Variants in KIRREL3 observed in about 807,000 individuals in gnomAD.
The protein encoded by KIRREL3 is kin of IRRE-like protein 3.
KIRREL3 carries 36 observed loss-of-function variants against 89.7 expected under a neutral mutation model. The observed-to-expected ratio is 0.40, with a 90% CI of 0.31 to 0.53. The LOEUF is 0.53. KIRREL3 is among the 20% of genes least tolerant of loss of function. The probability of loss-of-function intolerance (pLI) is 0.49; values close to 1 mark genes in which losing one functional copy is unlikely to be tolerated. For synonymous variants in KIRREL3, 445 were observed against 441.4 expected, an observed-to-expected ratio of 1.01 and a Z score of -0.10; for missense variants, 864 against 1,056.6, an observed-to-expected ratio of 0.82 and a Z score of 2.53.
chr11:126,425,508 G>A, intron 16 of KIRREL3, 130 bp downstream of exon 16: 2 of 799,014 alleles, frequency 2.5e-6, no homozygotes, highest in Non-Finnish European at 4.1e-6. Context: ...ACGGGCACCT[G>A]CCACCAAGCT....
rs1958513136 is a variant in KIRREL3 at position 126,519,188 on chromosome 11, G to A, written c.433+2127C>T. 3.3e-5 allele frequency among the ~76,000 whole-genome samples: 5 copies of A among 152,320 alleles called. No individual in the cohort carries two copies. Among genetic ancestry groups the A allele is most frequent in the South Asian group, 4.1e-4 (2 of 4,822 alleles). ...ATGCCACCGGAGAGGAAGGGGGAGC[G>A]AATGCCTTTTAGACATGACCTAAGA... On this transcript the variant is annotated intron_variant, in intron 4 of 16. Transcript: ENST00000525144. The surrounding 1 kb of genome is among the most constrained non-coding windows in gnomAD (Gnocchi z 4.3).
chr11:126,683,359 C>A lies in KIRREL3; in HGVS notation c.56-120447G>T, dbSNP rs374067070. 6.6e-6 allele frequency among the ~76,000 whole-genome samples: 1 copy of A among 152,088 alleles called. No individual in the cohort carries two copies. Among genetic ancestry groups the A allele is most frequent in the Admixed American group, 6.6e-5 (1 of 15,262 alleles). On this transcript the variant is annotated intron_variant, in intron 1 of 16. Coordinates refer to ENST00000525144, the MANE Select transcript of KIRREL3 (RefSeq NM_032531.4). The surrounding 1 kb of genome is among the most constrained non-coding windows in gnomAD (Gnocchi z 5.2). ...CTGATGGTTTGCAAGTAAGTGGGAT[C>A]GACCGTGGGGTCTCTGGACAGCTCC...
chr11:126,502,397 C>G (rs1385346220), intron 4 of KIRREL3, among the ~76,000 whole-genome samples: 1 of 152,186 alleles, frequency 6.6e-6, no homozygotes, highest in Admixed American at 6.5e-5. Flanking sequence ...GCTCCTCCTG[C>G]CCAGGCACAG....
At position 126,476,855 on chromosome 11, in the gene KIRREL3, A is replaced by G. The variant is rs1180855549; in HGVS notation, c.434-3389T>C. 1.3e-5 allele frequency among the ~76,000 whole-genome samples: 2 copies of G among 152,156 alleles called. No homozygotes were observed. Among genetic ancestry groups the G allele is most frequent in the Non-Finnish European group, 2.9e-5 (2 of 68,034 alleles). On this transcript the variant is annotated intron_variant, in intron 4 of 16. Transcript: ENST00000525144. This position sits in a 1 kb window ranked among gnomAD's most constrained non-coding sequence, Gnocchi z 6.4. The stretch of plus-strand genomic sequence containing the variant: ...GTTTCAGAGTGGTCCCCGCTTGGAG[A>G]TGTATTATTCATCACCCCCTCGCAG...
At chr11:126,888,227 A>G (rs1318341556) in intron 1 of KIRREL3, among the ~76,000 whole-genome samples, 1 of 152,212 alleles carries the variant, frequency 6.6e-6, no homozygotes, top group Non-Finnish European at 1.5e-5. Flanking sequence ...AGTTTGGGAC[A>G]CTAGACAGCA....
Position 126,724,680 on chromosome 11 carries a change from C to T in KIRREL3, c.56-161768G>A, listed in dbSNP as rs947655233. ...TTCCTTCTTGAAACTTCCCTCTCCC[C>T]GTTTGAATTCCAATGAGGCATCTTT... On this transcript the variant is annotated intron_variant, in intron 1 of 16. Coordinates refer to ENST00000525144, the MANE Select transcript of KIRREL3 (RefSeq NM_032531.4). The surrounding 1 kb of genome is among the most constrained non-coding windows in gnomAD (Gnocchi z 4.3). Among the ~76,000 whole-genome samples the T allele has an allele frequency of 1.3e-5, 2 of 152,190 alleles. No homozygotes were observed. The highest frequency in any genetic ancestry group is 4.8e-5 in the African/African-American group (2 of 41,454).
rs1435194224 is a variant in KIRREL3, at chr11:126,705,553, C to T, written c.56-142641G>A. ...TGAGAAGATACTGGAACCGTGCTTC[C>T]TGTACAGCCTGCAGAACTGTGAGCC... is the stretch of plus-strand genomic sequence containing the variant. On this transcript the variant is annotated intron_variant, in intron 1 of 16. Transcript: ENST00000525144. This position sits in a 1 kb window ranked among gnomAD's most constrained non-coding sequence, Gnocchi z 4.3. Among the ~76,000 whole-genome samples the T allele has an allele frequency of 6.6e-6, 1 of 152,188 alleles. No individual in the cohort carries two copies. The highest frequency in any genetic ancestry group is 2.4e-5 in the African/African-American group (1 of 41,450).
At chr11:126,998,729 A>T (rs577509168) in intron 1 of KIRREL3, among the ~76,000 whole-genome samples, 1 of 152,336 alleles carries the variant, frequency 6.6e-6, no homozygotes, top group South Asian at 2.1e-4. Flanking sequence ...TAGCCTTCTT[A>T]TGCCAATCTA....
chr11:126,919,804 A>G (rs181577992), intron 1 of KIRREL3, among the ~76,000 whole-genome samples: 1 of 152,330 alleles, frequency 6.6e-6, no homozygotes, highest in Non-Finnish European at 1.5e-5. Flanking sequence ...AGAGTTCCAA[A>G]GAGGACAGAC....
At chr11:126,518,399 C>T (rs1024568575) in intron 4 of KIRREL3, among the ~76,000 whole-genome samples, 11 of 152,208 alleles carry the variant, frequency 7.2e-5, no homozygotes, top group Admixed American at 2.6e-4. Flanking sequence ...CGATGGAAGA[C>T]CCCCGGGGGC....
chr11:126,450,499 ATG>A (rs1956016881), intron 7 of KIRREL3, among the ~76,000 whole-genome samples: 1 of 85,740 alleles, frequency 1.2e-5, no homozygotes, highest in South Asian at 3.5e-4. Flanking sequence ...GAGTGTGTGC[ATG>A]TGTGCATGTG....
In KIRREL3 at chr11:126,683,571, A is replaced by G. The variant is rs1242958196; in HGVS notation, c.56-120659T>C. Among the ~76,000 whole-genome samples, 1 of 152,222 alleles carries G rather than the reference A, an allele frequency of 6.6e-6. No individual in the cohort carries two copies. The highest frequency in any genetic ancestry group is 1.5e-5 in the Non-Finnish European group (1 of 68,038). ...GCACCCATCTTGGAGGAGATTTGGC[A>G]CGTGATGCTCAGCACATTGCCTGAC... On this transcript the variant is annotated intron_variant, in intron 1 of 16. Transcript: ENST00000525144. This position sits in a 1 kb window ranked among gnomAD's most constrained non-coding sequence, Gnocchi z 5.2.
intron 1 of KIRREL3, among the ~76,000 whole-genome samples, chr11:126,698,964 C>T (rs1422328981): frequency 6.6e-6 from 1 of 152,246 alleles, no homozygotes; most frequent in Non-Finnish European, 1.5e-5. Flanking sequence ...GAGCTGCCTG[C>T]AGGTTCTTCA....
intron 2 of KIRREL3, among the ~76,000 whole-genome samples, chr11:126,533,606 T>C (rs559163162): frequency 6.6e-6 from 1 of 152,106 alleles, no homozygotes; most frequent in African/African-American, 2.4e-5. Context: ...CCCTTGACCC[T>C]CACAACCACA....
rs1246549802 is a variant in KIRREL3 at position 126,917,513 on chromosome 11, C to T, written c.55+82942G>A. On this transcript the variant is annotated intron_variant, in intron 1 of 16. Coordinates refer to ENST00000525144, the MANE Select transcript of KIRREL3 (RefSeq NM_032531.4). This position sits in a 1 kb window ranked among gnomAD's most constrained non-coding sequence, Gnocchi z 5.0. ...TTAAAAAAAAACAAGGAAAAACCTG[C>T]AAACAACAAAAATCTTTCCAAACCA... Among the ~76,000 whole-genome samples the T allele has an allele frequency of 2.6e-5, 4 of 151,776 alleles. No individual in the cohort carries two copies. Among genetic ancestry groups the T allele is most frequent in the Admixed American group, 6.6e-5 (1 of 15,254 alleles).
At chr11:126,937,012 A>G (rs1948218006) in intron 1 of KIRREL3, 1 of 152,180 alleles carries the variant, frequency 6.6e-6, no homozygotes, top group South Asian at 2.1e-4. Context: ...ACCTATGATT[A>G]ATTTAACATA....
chr11:126,678,517 G>A (rs532147401), intron 1 of KIRREL3, among the ~76,000 whole-genome samples: 140 of 143,982 alleles, frequency 9.7e-4, no homozygotes, highest in African/African-American at 3.4e-3. Flanking sequence ...GGAGAATGGC[G>A]TGAACCTGGG....
At chr11:126,835,582 C>G (rs1943752213) in intron 1 of KIRREL3, among the ~76,000 whole-genome samples, 1 of 152,142 alleles carries the variant, frequency 6.6e-6, no homozygotes. Flanking sequence ...TGATGTGGTC[C>G]CTAGCCCCAA....
Position 126,570,121 on chromosome 11 carries a change from G to A in KIRREL3, c.56-7209C>T, listed in dbSNP as rs144111255. On this transcript the variant is annotated intron_variant, in intron 1 of 16. Coordinates refer to ENST00000525144, the MANE Select transcript of KIRREL3 (RefSeq NM_032531.4). The surrounding 1 kb of genome is among the most constrained non-coding windows in gnomAD (Gnocchi z 6.1). The stretch of plus-strand genomic sequence containing the variant: ...GTGCCTGGCCCTGGACCTCCAGGAC[G>A]AGTGATAAATGTTTAATTAGCCCAA... Among the ~76,000 whole-genome samples the A allele has an allele frequency of 4.1e-3, 627 of 152,234 alleles. 3 individuals are homozygous for A. Among genetic ancestry groups the A allele is most frequent in the African/African-American group, 0.013 (552 of 41,530 alleles).
Sources: allele counts gnomAD v4.1 joint callset (sites outside exome capture counted in the v4.1 genomes callset), GRCh38; gene constraint gnomAD v4.1.1; non-coding constraint Gnocchi (gnomAD v3.1); transcripts MANE v1.5; gene names NCBI Gene and HGNC (gene_info 2026-07-23, HGNC 2026-07-21).